SYNE1: variants seen among roughly 807,000 people sequenced by gnomAD.
The protein encoded by SYNE1 is spectrin repeat containing nuclear envelope protein 1.
In SYNE1, 616 loss-of-function variants were observed where a neutral mutation model predicts 1,111.0. That is an observed-to-expected ratio of 0.55 (90% CI 0.52 to 0.59). SYNE1 has a LOEUF of 0.59. SYNE1 is among the 20% of genes least tolerant of loss of function. The pLI is 0.00. For synonymous variants in SYNE1, 3,855 were observed against 3,825.8 expected (o/e 1.01, Z -0.28); for missense variants, 10,006 against 10,417.0 (o/e 0.96, Z 1.72).
At chr6:152,594,435 C>T (rs1230929096) in intron 3 of SYNE1, among the ~76,000 whole-genome samples, 2 of 152,148 alleles carry the variant, frequency 1.3e-5, no homozygotes, top group African/African-American at 4.8e-5. Flanking sequence ...TGGATGTTTG[C>T]TCTATCCAAA....
At position 152,416,884 on chromosome 6, in the gene SYNE1, C is replaced by A. The variant is rs376023533; in HGVS notation, c.5553G>T (p.Gln1851His). The A allele has an allele frequency of 2.5e-6, 4 of 1,613,964 alleles. No homozygotes were observed. The highest frequency in any genetic ancestry group is 3.4e-6 in the Non-Finnish European group (4 of 1,179,872). The change falls in exon 41 of 146, where the codon CAG becomes CAT. Residue 1851 changes from glutamine (Q) to histidine (H), a missense_variant. This residue lies in a region of SYNE1 where 4,955 missense variants were observed against 5,017.2 expected (regional missense o/e 0.99). Transcript: ENST00000367255. Reference sequence around the variant, plus strand: ...CAACCTGGCTGGCCTCCTCAAACAGCTGGAAGCAGTCCTCAGCCTTTCCCT... The same window carrying A: ...CAACCTGGCTGGCCTCCTCAAACAGATGGAAGCAGTCCTCAGCCTTTCCCT... ...LLQGKAEDCFQLFEEASQVVE... is the reference protein window; with the variant it reads ...LLQGKAEDCFHLFEEASQVVE...
intron 3 of SYNE1, among the ~76,000 whole-genome samples, chr6:152,555,448 A>G (rs1350318147): frequency 6.6e-6 from 1 of 152,214 alleles, no homozygotes; most frequent in Non-Finnish European, 1.5e-5. Context: ...GCCTAGGAGT[A>G]AAAGGCTATT....
rs200949450 is a variant in SYNE1, at chr6:152,139,601, GA to G, written c.25458+348del. Among the ~76,000 whole-genome samples, 77 of 141,092 alleles carry G rather than the reference GA, an allele frequency of 5.5e-4. No homozygotes were observed. The East Asian group carries it at 8.1e-3, about 15-fold the overall frequency. The allele number at this position is 141,092 out of a possible 152,430, so 92.6% of individuals were successfully genotyped here. On this transcript the variant is annotated intron_variant, in intron 140 of 145. Transcript: ENST00000367255. ...AAAAAAAGAAAGGAAGGAAGGAAGG[GA>G]GGGAGGGGGGAGAGAGGAAGGAAGG...
Position 152,202,686 on chromosome 6 carries a change from G to A in SYNE1, c.23020-737C>T, listed in dbSNP as rs144437372. On this transcript the variant is annotated intron_variant, in intron 126 of 145. Coordinates refer to ENST00000367255, the MANE Select transcript of SYNE1 (RefSeq NM_182961.4). ...AATCCACATCTATCTGCAGAGGTAG[G>A]ACTATAATCTCAGTACCTTGTCTCT... Among the ~76,000 whole-genome samples the A allele has an allele frequency of 2.8e-3, 425 of 152,096 alleles. 3 individuals are homozygous for A. Among genetic ancestry groups the A allele is most frequent in the Non-Finnish European group, 4.7e-3 (320 of 67,996 alleles).
chr6:152,147,994 A>AT, intron 137 of SYNE1, 51 bp downstream of exon 137: 1 of 1,487,406 alleles, frequency 6.7e-7, no homozygotes, highest in African/African-American at 1.4e-5. Flanking sequence ...GGCAATATTA[A>AT]TTCCCTCTGA....
At position 152,350,298 on chromosome 6, in the gene SYNE1, T is replaced by G. The variant is rs756029164; in HGVS notation, c.11771A>C (p.His3924Pro). The G allele has an allele frequency of 2.5e-6, 4 of 1,614,194 alleles. No homozygotes were observed. Among genetic ancestry groups the G allele is most frequent in the Non-Finnish European group, 3.4e-6 (4 of 1,180,030 alleles). ...VFSLEAKVKDHEDYNSELQEV... is the reference protein window; with the variant it reads ...VFSLEAKVKDPEDYNSELQEV... ...TTGGAGCTCACTGTTGTAGTCTTCATGGTCTTTGACTTTCGCCTCCAGACT... is the reference window on the plus strand; with the variant it reads ...TTGGAGCTCACTGTTGTAGTCTTCAGGGTCTTTGACTTTCGCCTCCAGACT... The change falls in exon 72 of 146, where the codon CAT becomes CCT. Residue 3924 changes from histidine to proline, a missense_variant. Physicochemically the swap from His to Pro is moderately conservative, Grantham distance 77. This residue lies in a region of SYNE1 where 4,955 missense variants were observed against 5,017.2 expected (regional missense o/e 0.99). Transcript: ENST00000367255.
chr6:152,234,816 T>C lies in SYNE1; in HGVS notation c.20397-16A>G, dbSNP rs917495932. 3.7e-6 allele frequency: 6 copies of C among 1,613,790 alleles called. No individual in the cohort carries two copies. In the African/African-American group the frequency reaches 4.0e-5, roughly 11 times the overall value. On this transcript the variant is annotated splice_polypyrimidine_tract_variant and intron_variant, in intron 110 of 145. Transcript: ENST00000367255. ...ACTTTGATATCTGTTAAGTATATTA[T>C]GGAGTCCATTAAGTAAACATTTCAT...
chr6:152,484,980 A>C lies in SYNE1; in HGVS notation c.1048-8T>G, dbSNP rs553878518. On this transcript the variant is annotated splice_region_variant and splice_polypyrimidine_tract_variant and intron_variant, in intron 12 of 145. Coordinates refer to ENST00000367255, the MANE Select transcript of SYNE1 (RefSeq NM_182961.4). ...TCTGAAGTGCTTAAATGACTAAAAG[A>C]GGAAAAACAGCAACAGTATGGCAAT... 1 of 1,610,080 alleles carries C rather than the reference A, an allele frequency of 6.2e-7. No homozygotes were observed. Among genetic ancestry groups the C allele is most frequent in the South Asian group, 1.1e-5 (1 of 90,780 alleles).
chr6:152,444,121 T>G (rs1163495986), intron 30 of SYNE1, among the ~76,000 whole-genome samples: 2 of 152,250 alleles, frequency 1.3e-5, no homozygotes, highest in Non-Finnish European at 2.9e-5. Flanking sequence ...GCACGTTTTG[T>G]GCAGTTTTTC....
At chr6:152,334,302 TA>T in intron 76 of SYNE1, 29 bp from the exon 77 acceptor site, 1 of 1,610,556 alleles carries the variant, frequency 6.2e-7, no homozygotes, top group Non-Finnish European at 8.5e-7. Context: ...AAAAAATATG[TA>T]ATGTGTTAAG....
intron 130 of SYNE1, among the ~76,000 whole-genome samples, chr6:152,166,538 C>A (rs1213530918): frequency 6.6e-6 from 1 of 152,074 alleles, no homozygotes; most frequent in African/African-American, 2.4e-5. Flanking sequence ...AAACACTGTT[C>A]CATAGGACCG....
chr6:152,610,205 A>C (rs1284719560), intron 3 of SYNE1, among the ~76,000 whole-genome samples: 1 of 152,224 alleles, frequency 6.6e-6, no homozygotes, highest in Non-Finnish European at 1.5e-5. Context: ...TCCAAGCTAA[A>C]GGAGCATGTT....
At position 152,365,634 on chromosome 6, in the gene SYNE1, GT is replaced by G. The variant is rs35307403; in HGVS notation, c.9973-616del. Reference sequence around the variant, plus strand: ...GCTGCCATGGCCAGCTAATTTAAATGTTTTTTTTTTTTTGTAAAGGTGAGGT... The same window carrying G: ...GCTGCCATGGCCAGCTAATTTAAATGTTTTTTTTTTTTGTAAAGGTGAGGT... On this transcript the variant is annotated intron_variant, in intron 62 of 145. Coordinates refer to ENST00000367255, the MANE Select transcript of SYNE1 (RefSeq NM_182961.4). Among the ~76,000 whole-genome samples, 261 of 142,198 alleles carry G rather than the reference GT, an allele frequency of 1.8e-3. 2 individuals are homozygous for G. Among genetic ancestry groups the G allele is most frequent in the East Asian group, 0.013 (64 of 4,868 alleles). 93.3% of individuals were successfully genotyped at this position (142,198 alleles called of 152,430 possible).
intron 73 of SYNE1, among the ~76,000 whole-genome samples, chr6:152,345,515 C>T (rs970309188): frequency 2.0e-5 from 3 of 151,470 alleles, no homozygotes; most frequent in Non-Finnish European, 2.9e-5. Context: ...ATGGTGAACA[C>T]GGACCATTCT....
At chr6:152,326,125 T>C in intron 79 of SYNE1, 23 bp from the exon 80 acceptor site, 5 of 1,614,100 alleles carry the variant, frequency 3.1e-6, no homozygotes, top group Non-Finnish European at 4.2e-6. Flanking sequence ...CAACAGAAAC[T>C]GATAAGTAGC....
intron 3 of SYNE1, among the ~76,000 whole-genome samples, chr6:152,551,650 A>C (rs1272186278): frequency 2.0e-5 from 3 of 152,236 alleles, no homozygotes; most frequent in Admixed American, 6.5e-5. Flanking sequence ...TCACTTCTAC[A>C]TGATTAAAGA....
rs199907812 is a variant in SYNE1, at chr6:152,276,026, ACTT to A, written c.18573+2060_18573+2062del. Among the ~76,000 whole-genome samples the A allele has an allele frequency of 4.4e-4, 58 of 130,602 alleles. 3 individuals are homozygous for A. The highest frequency in any genetic ancestry group is 4.0e-3 in the East Asian group (15 of 3,762). The allele number at this position is 130,602 out of a possible 152,430, so 85.7% of individuals were successfully genotyped here. The stretch of plus-strand genomic sequence containing the variant: ...TCTATGTAAAAACTATAAATTCTCG[ACTT>A]CTTTTTTTTTTTTTTTTTTTTTTGA... On this transcript the variant is annotated intron_variant, in intron 98 of 145. Coordinates refer to ENST00000367255, the MANE Select transcript of SYNE1 (RefSeq NM_182961.4).
chr6:152,197,463 A>G (rs1016123122), intron 127 of SYNE1, among the ~76,000 whole-genome samples: 11 of 152,178 alleles, frequency 7.2e-5, no homozygotes, highest in Non-Finnish European at 1.6e-4. Context: ...TATCTATGGC[A>G]GCTATAGCCT....
intron 22 of SYNE1, 98 bp from the exon 23 acceptor site, chr6:152,456,142 A>G (rs2098694424): frequency 2.2e-6 from 3 of 1,340,076 alleles, no homozygotes; most frequent in East Asian, 2.3e-5. Flanking sequence ...ACAACATTAT[A>G]TAGCTTTTAG....
Sources: gnomAD v4.1 joint callset for allele counts (sites outside exome capture counted in the v4.1 genomes callset) on GRCh38, gnomAD v4.1.1 for gene constraint, gnomAD v4.1.1 regional missense constraint, MANE v1.5 for transcripts, NCBI Gene and HGNC (gene_info 2026-07-23, HGNC 2026-07-21) for gene names.